Variants in SHISA6 observed in about 807,000 individuals in gnomAD.
The protein encoded by SHISA6 is protein shisa-6.
A neutral mutation model predicts 47.9 loss-of-function variants in SHISA6; 22 were observed. The observed-to-expected ratio is 0.46, with a 90% CI of 0.33 to 0.66. The LOEUF is 0.66. Ranked by LOEUF, SHISA6 falls within the 30% of genes least tolerant of loss-of-function variation. The probability of loss-of-function intolerance (pLI) is 0.02; values close to 1 mark genes in which losing one functional copy is unlikely to be tolerated. For missense variants in SHISA6, 680 were observed against 764.6 expected (o/e 0.89, Z 1.30); for synonymous variants, 388 against 337.8 (o/e 1.15, Z -1.63).
At chr17:11,345,157 T>C (rs540886736) in intron 2 of SHISA6, among the ~76,000 whole-genome samples, 13 of 152,160 alleles carry the variant, frequency 8.5e-5, no homozygotes, top group Non-Finnish European at 1.8e-4. Context: ...AATGAATGAA[T>C]GTTGTATATA....
At chr17:11,521,332 A>G (rs3095685) in intron 3 of SHISA6, among the ~76,000 whole-genome samples, 67,796 of 152,034 alleles carry the variant, frequency 0.45, 15,140 homozygotes, top group East Asian at 0.54. Flanking sequence ...AATTCCCAAT[A>G]TCAATTCATC....
intron 3 of SHISA6, among the ~76,000 whole-genome samples, chr17:11,443,722 T>C (rs1264892305): frequency 6.6e-6 from 1 of 152,144 alleles, no homozygotes; most frequent in African/African-American, 2.4e-5. Flanking sequence ...TATTACCTCT[T>C]AGTAGTAGTA....
At chr17:11,540,088 C>T (rs1025300432) in intron 3 of SHISA6, among the ~76,000 whole-genome samples, 4 of 152,180 alleles carry the variant, frequency 2.6e-5, no homozygotes, top group Non-Finnish European at 4.4e-5. Context: ...TTCCAGACCT[C>T]CACCCATTAC....
intron 1 of SHISA6, among the ~76,000 whole-genome samples, chr17:11,245,750 G>C (rs1442466998): frequency 7.6e-5 from 1 of 13,098 alleles, no homozygotes; most frequent in African/African-American, 8.0e-5. Context: ...TGGGCAGGGT[G>C]GGGGGGGTGG....
At chr17:11,491,105 A>T (rs1916465673) in intron 3 of SHISA6, among the ~76,000 whole-genome samples, 1 of 152,168 alleles carries the variant, frequency 6.6e-6, no homozygotes, top group Non-Finnish European at 1.5e-5. Flanking sequence ...CAACGTCAAG[A>T]TTCTCTAGAA....
At chr17:11,389,526 C>G (rs767062508) in intron 3 of SHISA6, among the ~76,000 whole-genome samples, 1 of 152,184 alleles carries the variant, frequency 6.6e-6, no homozygotes, top group Non-Finnish European at 1.5e-5. Flanking sequence ...TTCTATTAGG[C>G]AGAAGGGGAG....
At chr17:11,407,319 G>T (rs1008833627) in intron 3 of SHISA6, among the ~76,000 whole-genome samples, 2 of 151,982 alleles carry the variant, frequency 1.3e-5, no homozygotes, top group African/African-American at 2.4e-5. Flanking sequence ...CTCCAGGTCT[G>T]TGTTCCCCAT....
intron 3 of SHISA6, among the ~76,000 whole-genome samples, chr17:11,515,252 A>G (rs111356166): frequency 0.03 from 4,426 of 149,766 alleles, 105 homozygotes; most frequent in Non-Finnish European, 0.042. Flanking sequence ...CAAAAAAAAA[A>G]AAAAAAGAAA....
chr17:11,472,789 C>T (rs192613497), intron 3 of SHISA6, among the ~76,000 whole-genome samples: 194 of 152,296 alleles, frequency 1.3e-3, no homozygotes, highest in African/African-American at 4.5e-3. Flanking sequence ...GCATTCCCAC[C>T]AGCAATGAAT....
At chr17:11,506,818 A>C (rs1389870141) in intron 3 of SHISA6, among the ~76,000 whole-genome samples, 2 of 152,204 alleles carry the variant, frequency 1.3e-5, no homozygotes, top group African/African-American at 4.8e-5. Context: ...TTACAAAACA[A>C]AGTTCAGGAC....
At chr17:11,466,567 G>A (rs1198303040) in intron 3 of SHISA6, among the ~76,000 whole-genome samples, 1 of 152,134 alleles carries the variant, frequency 6.6e-6, no homozygotes, top group Non-Finnish European at 1.5e-5. Flanking sequence ...CTGTTCCCAA[G>A]TCACACTGCA....
intron 2 of SHISA6, among the ~76,000 whole-genome samples, chr17:11,287,269 CAAGGAAGGAAGGAAGGA>C (rs1597440711): frequency 1.4e-5 from 2 of 138,584 alleles, no homozygotes; most frequent in East Asian, 4.3e-4. Context: ...AGGAAGGAAG[CAAGGAAGGAAGGAAGGA>C]AAGGAAGGAA....
At chr17:11,498,958 A>G (rs1178667873) in intron 3 of SHISA6, among the ~76,000 whole-genome samples, 1 of 152,172 alleles carries the variant, frequency 6.6e-6, no homozygotes, top group South Asian at 2.1e-4. Flanking sequence ...TATTGTCATT[A>G]TTATTATTAA....
chr17:11,341,736 C>T (rs1376659789), intron 2 of SHISA6, among the ~76,000 whole-genome samples: 1 of 152,090 alleles, frequency 6.6e-6, no homozygotes, highest in Non-Finnish European at 1.5e-5. Context: ...AGCCTGGCTG[C>T]AGGGTGCTCT....
intron 2 of SHISA6, among the ~76,000 whole-genome samples, chr17:11,356,981 G>T (rs1165969103): frequency 6.6e-6 from 1 of 151,898 alleles, no homozygotes; most frequent in Non-Finnish European, 1.5e-5. Context: ...GACCAGCCTG[G>T]CCAACATCGT....
At chr17:11,255,678 A>G (rs953052769) in intron 1 of SHISA6, among the ~76,000 whole-genome samples, 1 of 152,152 alleles carries the variant, frequency 6.6e-6, no homozygotes, top group Non-Finnish European at 1.5e-5. Flanking sequence ...GGAGTGGGAA[A>G]TATGGGGCGT....
chr17:11,444,947 A>G (rs1210306369), intron 3 of SHISA6, among the ~76,000 whole-genome samples: 1 of 152,206 alleles, frequency 6.6e-6, no homozygotes, highest in Non-Finnish European at 1.5e-5. Context: ...GCTAAATTCT[A>G]AAATAATGTT....
intron 3 of SHISA6, among the ~76,000 whole-genome samples, chr17:11,398,243 A>G (rs1345715808): frequency 6.6e-6 from 1 of 152,180 alleles, no homozygotes; most frequent in Non-Finnish European, 1.5e-5. Flanking sequence ...TTATAGCTGT[A>G]TATACTATTC....
intron 3 of SHISA6, among the ~76,000 whole-genome samples, chr17:11,489,460 A>G (rs1916424120): frequency 6.6e-6 from 1 of 152,294 alleles, no homozygotes; most frequent in Admixed American, 6.5e-5. Context: ...GTGCTGAAAT[A>G]TATTTTATGT....
Sources: allele counts gnomAD v4.1 joint callset (sites outside exome capture counted in the v4.1 genomes callset), GRCh38; gene constraint gnomAD v4.1.1; transcripts MANE v1.5; gene names NCBI Gene and HGNC (gene_info 2026-07-23, HGNC 2026-07-21).